The following RAB38 variants were observed in gnomAD, a reference collection of about 807,000 sequenced individuals.
RAB38 encodes RAB38, member RAS oncogene family.
Under a neutral mutation model 18.4 loss-of-function variants are expected in RAB38, and 15 were observed. That is an observed-to-expected ratio of 0.82 (90% CI 0.55 to 1.26). The LOEUF is 1.26. Ranked by LOEUF, RAB38 falls within the 50% of genes most tolerant of loss-of-function variation. The pLI is 0.00. For missense variants in RAB38, 294 were observed against 267.4 expected (o/e 1.10, Z -0.69); for synonymous variants, 101 against 104.4 (o/e 0.97, Z 0.20).
chr11:88,043,541 T>G, the RAB38 span, among the ~76,000 whole-genome samples: 4 of 152,030 alleles, frequency 2.6e-5, no homozygotes, highest in Admixed American at 2.6e-4. Context: ...GGACATTACC[T>G]TGTGAAATTC....
At chr11:88,010,543 A>G in the RAB38 span, among the ~76,000 whole-genome samples, 6 of 152,288 alleles carry the variant, frequency 3.9e-5, no homozygotes, top group East Asian at 1.2e-3. Flanking sequence ...CATTCATGAT[A>G]TAAGATGGAA....
At chr11:88,116,612 G>A (rs1205212849) in intron 2 of RAB38, among the ~76,000 whole-genome samples, 3 of 152,168 alleles carry the variant, frequency 2.0e-5, no homozygotes, top group Non-Finnish European at 4.4e-5. Context: ...TCCTTTTCCA[G>A]ATTGTTCAGA....
the RAB38 span, among the ~76,000 whole-genome samples, chr11:87,974,186 G>C: frequency 1.3e-5 from 2 of 150,544 alleles, no homozygotes; most frequent in African/African-American, 4.9e-5. Flanking sequence ...ATTAGAATTT[G>C]CAGAAAATGA....
the RAB38 span, among the ~76,000 whole-genome samples, chr11:87,901,873 G>A: frequency 6.6e-6 from 1 of 150,566 alleles, no homozygotes; most frequent in Admixed American, 6.6e-5. Flanking sequence ...TATGGCCTAT[G>A]TAGCATCTAA....
At chr11:87,830,335 G>A in the RAB38 span, among the ~76,000 whole-genome samples, 1 of 151,980 alleles carries the variant, frequency 6.6e-6, no homozygotes, top group Non-Finnish European at 1.5e-5. Flanking sequence ...TTAAAAATTA[G>A]CTGGACATGG....
the RAB38 span, among the ~76,000 whole-genome samples, chr11:87,955,950 T>TGTCAAAAGAGAAAA: frequency 6.6e-6 from 1 of 151,866 alleles, no homozygotes; most frequent in Non-Finnish European, 1.5e-5. Context: ...TAACAAGACA[T>TGTCAAAAGAGAAAA]GTCAAAAGAG....
the RAB38 span, among the ~76,000 whole-genome samples, chr11:87,916,896 G>C: frequency 2.0e-5 from 3 of 152,106 alleles, no homozygotes; most frequent in Non-Finnish European, 4.4e-5. Context: ...CTGACTAAAT[G>C]AAGCTATTTA....
At chr11:88,059,136 A>G in the RAB38 span, among the ~76,000 whole-genome samples, 2 of 150,954 alleles carry the variant, frequency 1.3e-5, no homozygotes, top group Non-Finnish European at 2.9e-5. Context: ...GAATGTGGAT[A>G]ACAACAGAAA....
At chr11:88,113,181 CCT>C (rs1942496627), downstream of RAB38, 1 of 147,844 alleles carries the variant, frequency 6.8e-6, no homozygotes, top group Non-Finnish European at 1.5e-5. Context: ...TCTTGAGAAC[CCT>C]GTTTACTTTG....
chr11:88,154,198 C>G (rs1049365796), intron 1 of RAB38, among the ~76,000 whole-genome samples: 1 of 152,188 alleles, frequency 6.6e-6, no homozygotes, highest in Non-Finnish European at 1.5e-5. Flanking sequence ...TGAGGAACAG[C>G]TGCAGACATT....
chr11:87,923,821 C>T, the RAB38 span, among the ~76,000 whole-genome samples: 16 of 151,946 alleles, frequency 1.1e-4, no homozygotes, highest in Admixed American at 7.9e-4. Context: ...GTGAAGGTAG[C>T]ATTTGCATCA....
At position 88,149,955 on chromosome 11, in the gene RAB38, C is replaced by G; in HGVS notation, c.203G>C (p.Gly68Ala). 6.3e-7 allele frequency: 1 copy of G among 1,595,038 alleles called. No homozygotes were observed. The highest frequency in any genetic ancestry group is 1.1e-5 in the South Asian group (1 of 87,782). The change falls in exon 2 of 3, where the codon GGT becomes GCT. Residue 68 changes from glycine to alanine, a missense_variant and splice_region_variant. Transcript: ENST00000243662. ...VVRLQLWDIA[G>A]QERFGNMTRV... ...CGTCATGTTTCCAAATCTTTCTTGA[C>G]CTGACACCAAAAAGAAATAAAAATA...
the RAB38 span, among the ~76,000 whole-genome samples, chr11:87,837,748 A>G: frequency 6.6e-6 from 1 of 152,238 alleles, no homozygotes; most frequent in African/African-American, 2.4e-5. Flanking sequence ...TCCAAGTCAC[A>G]CAGATAGTGT....
chr11:88,013,102 C>T, the RAB38 span, among the ~76,000 whole-genome samples: 1 of 152,106 alleles, frequency 6.6e-6, no homozygotes, highest in Non-Finnish European at 1.5e-5. Flanking sequence ...GATAGTAATA[C>T]ATTAAAGTTT....
the RAB38 span, among the ~76,000 whole-genome samples, chr11:88,035,236 T>C: frequency 6.6e-6 from 1 of 152,252 alleles, no homozygotes; most frequent in Non-Finnish European, 1.5e-5. Flanking sequence ...AATAAAGTTT[T>C]TAAATTTTAA....
chr11:88,017,907 G>A, the RAB38 span, among the ~76,000 whole-genome samples: 1 of 151,852 alleles, frequency 6.6e-6, no homozygotes, highest in Non-Finnish European at 1.5e-5. Flanking sequence ...ATGGGGACAT[G>A]TCTTTCCCAT....
intron 2 of RAB38, among the ~76,000 whole-genome samples, chr11:88,120,078 T>C (rs1450203563): frequency 6.6e-6 from 1 of 152,178 alleles, no homozygotes; most frequent in Non-Finnish European, 1.5e-5. Flanking sequence ...CAACCTCCCA[T>C]TTCCTTTGGA....
At chr11:87,849,057 A>C in the RAB38 span, among the ~76,000 whole-genome samples, 1 of 152,096 alleles carries the variant, frequency 6.6e-6, no homozygotes, top group African/African-American at 2.4e-5. Flanking sequence ...GACTTACTTC[A>C]GTTGAAACAG....
chr11:88,101,987 G>A, the RAB38 span, among the ~76,000 whole-genome samples: 1 of 151,930 alleles, frequency 6.6e-6, no homozygotes, highest in Non-Finnish European at 1.5e-5. Flanking sequence ...CCTGGAGAAA[G>A]TAGAAAAACG....
Sources: gnomAD v4.1 joint callset for allele counts (sites outside exome capture counted in the v4.1 genomes callset) on GRCh38, gnomAD v4.1.1 for gene constraint, MANE v1.5 for transcripts, NCBI Gene and HGNC (gene_info 2026-07-23, HGNC 2026-07-21) for gene names.